The following PTPRT variants were observed in gnomAD, a reference collection of about 807,000 sequenced individuals.
PTPRT encodes the protein protein tyrosine phosphatase receptor type T.
In PTPRT, 56 loss-of-function variants were observed where a neutral mutation model predicts 176.8. The ratio of observed to expected loss-of-function variants is 0.32; its 90% CI spans 0.26 to 0.40. PTPRT has a LOEUF of 0.40. Among genes scored for constraint, PTPRT ranks in the 10% least tolerant of loss-of-function variants. The pLI is 1.00. For missense variants in PTPRT, 1,540 were observed against 1,908.2 expected (o/e 0.81, Z 3.60); for synonymous variants, 783 against 739.0 (o/e 1.06, Z -0.96).
chr20:43,026,035 T>C (rs1985895073), intron 1 of PTPRT, among the ~76,000 whole-genome samples: 1 of 152,272 alleles, frequency 6.6e-6, no homozygotes. Context: ...GGATGAATTG[T>C]GGCCCCCCCT....
At chr20:42,699,596 A>G (rs560385710) in intron 6 of PTPRT, among the ~76,000 whole-genome samples, 14 of 152,346 alleles carry the variant, frequency 9.2e-5, no homozygotes, top group African/African-American at 2.9e-4. Context: ...ACAGATGGGA[A>G]AAACTCATGA....
intron 4 of PTPRT, among the ~76,000 whole-genome samples, chr20:42,773,511 C>T (rs2077092172): frequency 6.6e-6 from 1 of 152,146 alleles, no homozygotes; most frequent in African/African-American, 2.4e-5. Context: ...CTCAGAGACC[C>T]CTCAGGCTAC....
chr20:42,269,985 T>A (rs1269209822), intron 13 of PTPRT, among the ~76,000 whole-genome samples: 2 of 152,096 alleles, frequency 1.3e-5, no homozygotes, highest in Non-Finnish European at 2.9e-5. Flanking sequence ...CATGGGTTTG[T>A]TTATTTTGAA....
intron 17 of PTPRT, among the ~76,000 whole-genome samples, chr20:42,149,644 G>T (rs373388299): frequency 6.6e-6 from 1 of 151,990 alleles, no homozygotes. Context: ...AGCTGGTCTC[G>T]AACTCCTGAC....
rs566820048 is a variant in PTPRT, at chr20:43,182,226, G to C, written c.88+7420C>G. Among the ~76,000 whole-genome samples, 78 of 152,248 alleles carry C rather than the reference G, an allele frequency of 5.1e-4. No homozygotes were observed. The Middle Eastern group carries it at 0.01, about 20-fold the overall frequency. On this transcript the variant is annotated intron_variant, in intron 1 of 30. Coordinates refer to ENST00000373187, the MANE Select transcript of PTPRT (RefSeq NM_007050.6). ...TAGAACCAACAGGATAAAAGGGGGA[G>C]TAAAGCAAAATGAGGGGTGGTCTGA...
At chr20:42,084,093 G>A (rs1461661700) in intron 29 of PTPRT, among the ~76,000 whole-genome samples, 1 of 152,200 alleles carries the variant, frequency 6.6e-6, no homozygotes, top group Non-Finnish European at 1.5e-5. Context: ...ATGAACAGAC[G>A]AGGAAACTCA....
chr20:42,713,076 T>C (rs2076169454), intron 6 of PTPRT, among the ~76,000 whole-genome samples: 2 of 151,552 alleles, frequency 1.3e-5, no homozygotes, highest in Admixed American at 6.6e-5. Context: ...GATAATATGA[T>C]GGGGATTTAA....
intron 6 of PTPRT, among the ~76,000 whole-genome samples, chr20:42,682,740 G>T (rs948443786): frequency 6.6e-6 from 1 of 152,106 alleles, no homozygotes; most frequent in Non-Finnish European, 1.5e-5. Flanking sequence ...GGGCAGCAGC[G>T]GCCCTGAGCT....
intron 1 of PTPRT, among the ~76,000 whole-genome samples, chr20:43,098,697 A>G (rs1233939726): frequency 6.6e-6 from 1 of 152,150 alleles, no homozygotes; most frequent in Non-Finnish European, 1.5e-5. Context: ...GTTTGAAGCA[A>G]ACCAAATTAT....
At chr20:42,516,367 A>G (rs928852509) in intron 7 of PTPRT, among the ~76,000 whole-genome samples, 6 of 152,158 alleles carry the variant, frequency 3.9e-5, no homozygotes, top group Non-Finnish European at 7.4e-5. Flanking sequence ...CTTTTACCAC[A>G]TATTAGCTGT....
intron 16 of PTPRT, among the ~76,000 whole-genome samples, chr20:42,177,620 G>A (rs1228923391): frequency 6.6e-6 from 1 of 152,170 alleles, no homozygotes; most frequent in Non-Finnish European, 1.5e-5. Context: ...TACCGTACAA[G>A]AGTCATTCAA....
Position 42,634,002 on chromosome 20 carries a change from TA to T in PTPRT, c.1153+43863del, listed in dbSNP as rs57797195. Among the ~76,000 whole-genome samples, 86 of 23,598 alleles carry T rather than the reference TA, an allele frequency of 3.6e-3. 4 individuals are homozygous for T. Among genetic ancestry groups the T allele is most frequent in the African/African-American group, 0.019 (84 of 4,318 alleles). 15.5% of individuals were successfully genotyped at this position (23,598 alleles called of 152,430 possible). A position where few individuals can be genotyped will look rare whatever the true frequency, so the allele number is the denominator to read the frequency against. ...ATTATATATTATATTATATATATTATATATATATAATATATATATAATATAT... is the reference window on the plus strand; with the variant it reads ...ATTATATATTATATTATATATATTATTATATATAATATATATATAATATAT... On this transcript the variant is annotated intron_variant, in intron 7 of 30. Transcript: ENST00000373187.
chr20:42,471,514 G>T (rs1300219860), intron 8 of PTPRT, among the ~76,000 whole-genome samples: 1 of 152,156 alleles, frequency 6.6e-6, no homozygotes, highest in Non-Finnish European at 1.5e-5. Flanking sequence ...ATGAGTAAAA[G>T]CTCCTCAGCC....
At chr20:42,658,862 T>C (rs934738916) in intron 7 of PTPRT, among the ~76,000 whole-genome samples, 1 of 152,188 alleles carries the variant, frequency 6.6e-6, no homozygotes, top group African/African-American at 2.4e-5. Context: ...CTTGAGTACA[T>C]AGAAAAATAT....
At chr20:42,878,201 C>T (rs1377269217) in intron 2 of PTPRT, among the ~76,000 whole-genome samples, 2 of 152,060 alleles carry the variant, frequency 1.3e-5, no homozygotes, top group African/African-American at 4.8e-5. Context: ...AAATATGCAA[C>T]AATATGGGGT....
intron 6 of PTPRT, among the ~76,000 whole-genome samples, chr20:42,753,480 T>C (rs2076791421): frequency 6.6e-6 from 1 of 152,216 alleles, no homozygotes; most frequent in Non-Finnish European, 1.5e-5. Context: ...ATTTCATCGA[T>C]GTGTAATAAA....
rs866537495 is a variant in PTPRT, at chr20:43,094,487, C to T, written c.88+95159G>A. On this transcript the variant is annotated intron_variant, in intron 1 of 30. Transcript: ENST00000373187. ...GATCTCGGCTCACCGCAACCTCCAC[C>T]TCCCAGGTTCAAGTGATTCTCCTGC... Among the ~76,000 whole-genome samples the T allele has an allele frequency of 3.4e-4, 51 of 150,162 alleles. 1 individual carries two copies. In the South Asian group the frequency reaches 3.6e-3, roughly 11 times the overall value.
intron 1 of PTPRT, among the ~76,000 whole-genome samples, chr20:42,984,474 T>C (rs1368358956): frequency 6.6e-6 from 1 of 152,222 alleles, no homozygotes; most frequent in African/African-American, 2.4e-5. Flanking sequence ...GCTTTCTCAT[T>C]ATTCTAATGT....
At chr20:42,417,226 C>T (rs80247389) in intron 9 of PTPRT, among the ~76,000 whole-genome samples, 7 of 152,116 alleles carry the variant, frequency 4.6e-5, no homozygotes, top group African/African-American at 1.7e-4. Context: ...GCTGAAATTC[C>T]TCTTGGCAGA....
Sources: gnomAD v4.1 joint callset for allele counts (sites outside exome capture counted in the v4.1 genomes callset) on GRCh38, gnomAD v4.1.1 for gene constraint, MANE v1.5 for transcripts, NCBI Gene and HGNC (gene_info 2026-07-23, HGNC 2026-07-21) for gene names.